RABGAP1: variants seen among roughly 807,000 people sequenced by gnomAD.
The protein encoded by RABGAP1 is rab GTPase-activating protein 1.
In RABGAP1, 23 loss-of-function variants were observed where a neutral mutation model predicts 137.6. The observed-to-expected ratio is 0.17, with a 90% CI of 0.12 to 0.24. RABGAP1 has a LOEUF of 0.24. Among genes scored for constraint, RABGAP1 ranks in the 10% least tolerant of loss-of-function variants. The probability of loss-of-function intolerance (pLI) is 1.00; values close to 1 mark genes in which losing one functional copy is unlikely to be tolerated. For synonymous variants in RABGAP1, 451 were observed against 450.7 expected, an observed-to-expected ratio of 1.00 and a Z score of -0.01; for missense variants, 906 against 1,275.8, an observed-to-expected ratio of 0.71 and a Z score of 4.42.
At chr9:122,982,048 C>CAA (rs761154597) in intron 2 of RABGAP1, among the ~76,000 whole-genome samples, 13 of 73,598 alleles carry the variant, frequency 1.8e-4, no homozygotes, top group African/African-American at 5.6e-4. Flanking sequence ...GACTCTGTCT[C>CAA]AAAAAAAAAA....
At chr9:122,981,743 G>T (rs1836067884) in intron 2 of RABGAP1, among the ~76,000 whole-genome samples, 2 of 152,116 alleles carry the variant, frequency 1.3e-5, no homozygotes, top group Non-Finnish European at 2.9e-5. Flanking sequence ...AAATAAAAAA[G>T]AACTTAATTG....
intron 21 of RABGAP1, among the ~76,000 whole-genome samples, chr9:123,091,890 T>C (rs564826689): frequency 6.6e-6 from 1 of 152,084 alleles, no homozygotes; most frequent in Non-Finnish European, 1.5e-5. Flanking sequence ...GTAGAAACAC[T>C]ATATGGGTCA....
rs768707711 is a variant in RABGAP1 at position 123,020,493 on chromosome 9, C to T, written c.1794+34C>T. Reference sequence around the variant, plus strand: ...GTGATAATTCAGCTTCAGCATTAATCCTTTTAGAGATTTGTGATGAAAAGA... The same window carrying T: ...GTGATAATTCAGCTTCAGCATTAATTCTTTTAGAGATTTGTGATGAAAAGA... On this transcript the variant is annotated intron_variant, in intron 13 of 25. Transcript: ENST00000373647. 6 of 1,468,834 alleles carry T rather than the reference C, an allele frequency of 4.1e-6. No individual in the cohort carries two copies. The Admixed American group carries it at 1.3e-4, about 32-fold the overall frequency. The allele number at this position is 1,468,834 out of a possible 1,614,324, so 91.0% of individuals were successfully genotyped here.
At chr9:122,995,919 G>C in intron 6 of RABGAP1, 122 bp from the exon 7 acceptor site, 1 of 1,436,584 alleles carries the variant, frequency 7.0e-7, no homozygotes. Flanking sequence ...TTTCTTTTTT[G>C]TTATTATTTG....
intron 13 of RABGAP1, among the ~76,000 whole-genome samples, chr9:123,032,831 T>C (rs2032377021): frequency 6.6e-6 from 1 of 152,230 alleles, no homozygotes; most frequent in South Asian, 2.1e-4. Context: ...TTGTTTTAAA[T>C]AGGCAGAAGC....
intron 13 of RABGAP1, among the ~76,000 whole-genome samples, chr9:123,037,226 C>T (rs1588311733): frequency 2.0e-5 from 3 of 152,278 alleles, no homozygotes; most frequent in Admixed American, 2.0e-4. Context: ...TTTGGTTTTC[C>T]ATCATGATGC....
chr9:122,940,473 A>T (rs1833485069), upstream of RABGAP1: 2 of 152,202 alleles, frequency 1.3e-5, no homozygotes, highest in South Asian at 4.1e-4. Flanking sequence ...ATTACTTTAT[A>T]AAAGGAGAAA....
rs1199086382 is a variant in RABGAP1 at position 123,017,775 on chromosome 9, C to G, written c.1643+2139C>G. 4.6e-5 allele frequency among the ~76,000 whole-genome samples: 7 copies of G among 152,330 alleles called. No homozygotes were observed. The East Asian group carries it at 5.8e-4, about 13-fold the overall frequency. On this transcript the variant is annotated intron_variant, in intron 12 of 25. Coordinates refer to ENST00000373647, the MANE Select transcript of RABGAP1 (RefSeq NM_012197.4). ...TAATGAATTTACCATATTTTAGGCA[C>G]TGTGCTGTTATGTGCTCTGTGTCAA... is the stretch of plus-strand genomic sequence containing the variant.
intron 13 of RABGAP1, among the ~76,000 whole-genome samples, chr9:123,031,668 A>G (rs578190132): frequency 6.6e-5 from 10 of 152,266 alleles, no homozygotes; most frequent in South Asian, 2.1e-4. Context: ...TTTGAGGGAG[A>G]GAGTGGTCAA....
At chr9:123,037,690 A>T (rs916825837) in intron 13 of RABGAP1, among the ~76,000 whole-genome samples, 2 of 152,194 alleles carry the variant, frequency 1.3e-5, no homozygotes, top group African/African-American at 2.4e-5. Context: ...TTGTTGAAAA[A>T]TTGATATTAA....
rs1392544588 is a variant in RABGAP1 at position 123,074,136 on chromosome 9, AG to A, written c.2110-148del. The A allele has an allele frequency of 1.1e-4, 94 of 875,060 alleles. No individual in the cohort carries two copies. In the Middle Eastern group the frequency reaches 1.1e-3, roughly 10 times the overall value. The allele number at this position is 875,060 out of a possible 1,614,324, so 54.2% of individuals were successfully genotyped here. ...AAGAGTTGAGTGCCAGCTTAATACC[AG>A]ATGATAAGTGTTCTAAGCACTTTGG... On this transcript the variant is annotated intron_variant, in intron 16 of 25. Coordinates refer to ENST00000373647, the MANE Select transcript of RABGAP1 (RefSeq NM_012197.4).
At chr9:123,067,474 TC>T (rs1339019022) in intron 14 of RABGAP1, among the ~76,000 whole-genome samples, 1 of 152,234 alleles carries the variant, frequency 6.6e-6, no homozygotes, top group Non-Finnish European at 1.5e-5. Flanking sequence ...AAATGAAAAG[TC>T]CTAGTTCATT....
At chr9:122,974,427 TTTTTTTTTTTTTTTA>T (rs1288092741) in intron 2 of RABGAP1, among the ~76,000 whole-genome samples, 2 of 146,430 alleles carry the variant, frequency 1.4e-5, no homozygotes, top group African/African-American at 5.1e-5. Flanking sequence ...TTTTTTTTTT[TTTTTTTTTTTTTTTA>T]GTTATAATAA....
chr9:123,011,057 T>A (rs1342324146), intron 11 of RABGAP1, among the ~76,000 whole-genome samples: 2 of 152,054 alleles, frequency 1.3e-5, no homozygotes, highest in Admixed American at 1.3e-4. Flanking sequence ...CATTCTCTAT[T>A]AAAAGATATA....
At chr9:122,943,198 C>T (rs1462659667) in intron 1 of RABGAP1, among the ~76,000 whole-genome samples, 4 of 149,286 alleles carry the variant, frequency 2.7e-5, no homozygotes, top group East Asian at 2.0e-4. Context: ...CCTGACTCAG[C>T]TTGGGATTAC....
At chr9:122,977,401 T>C (rs1247161122) in intron 2 of RABGAP1, among the ~76,000 whole-genome samples, 1 of 152,138 alleles carries the variant, frequency 6.6e-6, no homozygotes, top group Non-Finnish European at 1.5e-5. Context: ...GTGCAACTCA[T>C]TGATTAAAAA....
chr9:122,999,186 T>C (rs1837195178), intron 10 of RABGAP1, among the ~76,000 whole-genome samples: 1 of 151,986 alleles, frequency 6.6e-6, no homozygotes, highest in Admixed American at 6.6e-5. Flanking sequence ...TTGTTGTTTG[T>C]TTGTTTGTTT....
intron 1 of RABGAP1, among the ~76,000 whole-genome samples, chr9:122,954,234 A>G (rs1010497355): frequency 6.6e-6 from 1 of 152,176 alleles, no homozygotes; most frequent in Non-Finnish European, 1.5e-5. Context: ...GTACCTCTTC[A>G]TTGTGGAGGC....
At chr9:122,938,026 A>G (rs1185301742), upstream of RABGAP1, 1 of 152,212 alleles carries the variant, frequency 6.6e-6, no homozygotes, top group Non-Finnish European at 1.5e-5. Context: ...GACCTGAAAG[A>G]TACAGTAACT....
Sources: gnomAD v4.1 joint callset for allele counts (sites outside exome capture counted in the v4.1 genomes callset) on GRCh38, gnomAD v4.1.1 for gene constraint, MANE v1.5 for transcripts, NCBI Gene and HGNC (gene_info 2026-07-23, HGNC 2026-07-21) for gene names.